Variants in ZC3H12B observed in about 807,000 individuals in gnomAD.
ZC3H12B encodes the protein probable ribonuclease ZC3H12B.
Under a neutral mutation model 43.9 loss-of-function variants are expected in ZC3H12B, and 7 were observed. That is an observed-to-expected ratio of 0.16 (90% CI 0.09 to 0.30). ZC3H12B has a LOEUF of 0.30. Among genes scored for constraint, ZC3H12B ranks in the 10% least tolerant of loss-of-function variants. The pLI is 1.00. For missense variants in ZC3H12B, 475 were observed against 670.2 expected, an observed-to-expected ratio of 0.71 and a Z score of 3.22; for synonymous variants, 222 against 241.7, an observed-to-expected ratio of 0.92 and a Z score of 0.76.
chrX:65,325,774 G>T, the ZC3H12B span, among the ~76,000 whole-genome samples: 2 of 110,833 alleles, frequency 1.8e-5, no homozygotes, highest in Non-Finnish European at 3.8e-5. Context: ...ATGAGCAAAA[G>T]AATCGAACTG....
At chrX:65,488,062 G>A (rs1463060156), upstream of ZC3H12B, among the ~76,000 whole-genome samples, 6 of 110,443 alleles carry the variant, frequency 5.4e-5, no homozygotes, top group Admixed American at 3.9e-4. Flanking sequence ...TAGTAGAGAC[G>A]GGGTTTCACC....
chrX:65,228,349 A>T, the ZC3H12B span, among the ~76,000 whole-genome samples: 1 of 111,573 alleles, frequency 9.0e-6, no homozygotes, highest in Non-Finnish European at 1.9e-5. Context: ...CATACTAAAA[A>T]CTCTCAATAA....
chrX:65,225,139 C>T, the ZC3H12B span, among the ~76,000 whole-genome samples: 2 of 111,607 alleles, frequency 1.8e-5, no homozygotes, highest in African/African-American at 6.5e-5. Context: ...TAGGGGCAGA[C>T]TGACAACTCA....
At chrX:65,129,245 G>A in the ZC3H12B span, among the ~76,000 whole-genome samples, 11,150 of 104,865 alleles carry the variant, frequency 0.11, 1,521 homozygotes, top group African/African-American at 0.37. Context: ...ATATATGTAT[G>A]TGTGTATATA....
chrX:65,386,016 G>A (rs1569387563), intron 2 of ZC3H12B, among the ~76,000 whole-genome samples: 2 of 112,120 alleles, frequency 1.8e-5, no homozygotes, highest in South Asian at 7.4e-4. Flanking sequence ...TGGTGGATAA[G>A]CTTTTTGATG....
chrX:65,197,259 G>T, the ZC3H12B span, among the ~76,000 whole-genome samples: 1 of 112,173 alleles, frequency 8.9e-6, no homozygotes, highest in Middle Eastern at 4.6e-3. Context: ...GAAAAAAGCT[G>T]CGCCTTTACA....
chrX:65,473,101 C>G (rs770659778), intron 3 of ZC3H12B, among the ~76,000 whole-genome samples: 1 of 103,684 alleles, frequency 9.6e-6, no homozygotes, highest in Non-Finnish European at 2.0e-5. Context: ...GCAACCTCTG[C>G]CTCCCGGGTT....
At chrX:65,265,556 C>T in the ZC3H12B span, among the ~76,000 whole-genome samples, 5 of 112,096 alleles carry the variant, frequency 4.5e-5, no homozygotes, top group African/African-American at 6.5e-5. Flanking sequence ...GGCTTATAAA[C>T]ATTTCCTAAT....
chrX:65,356,878 A>G, the ZC3H12B span: 66 of 345,173 alleles, frequency 1.9e-4, no homozygotes, highest in East Asian at 3.5e-3. Context: ...GTGAGATACC[A>G]TGTTAACTCA....
intron 2 of ZC3H12B, among the ~76,000 whole-genome samples, chrX:65,392,919 G>C (rs913259302): frequency 8.9e-6 from 1 of 112,520 alleles, no homozygotes; most frequent in Non-Finnish European, 1.9e-5. Context: ...CTTCTGCTTT[G>C]GGATGCTGTT....
At chrX:65,166,206 C>G in the ZC3H12B span, among the ~76,000 whole-genome samples, 1 of 110,471 alleles carries the variant, frequency 9.1e-6, no homozygotes, top group South Asian at 3.9e-4. Flanking sequence ...CTTCCCACCC[C>G]ACGACAGGCC....
chrX:65,046,583 G>A, the ZC3H12B span, among the ~76,000 whole-genome samples: 9 of 111,864 alleles, frequency 8.0e-5, no homozygotes, highest in Non-Finnish European at 1.3e-4. Context: ...CATCTGGACC[G>A]CTAAAACTGT....
chrX:65,177,097 A>G, the ZC3H12B span, among the ~76,000 whole-genome samples: 704 of 112,429 alleles, frequency 6.3e-3, 1 homozygote, highest in Non-Finnish European at 0.011. Context: ...AGTCGGCTTT[A>G]TTGCTGGGAC....
chrX:65,123,015 G>C, the ZC3H12B span, among the ~76,000 whole-genome samples: 1 of 111,872 alleles, frequency 8.9e-6, no homozygotes, highest in African/African-American at 3.2e-5. Context: ...AGTTTTCAAA[G>C]GGAATGCTTT....
At chrX:65,233,153 G>A in the ZC3H12B span, among the ~76,000 whole-genome samples, 3 of 111,734 alleles carry the variant, frequency 2.7e-5, no homozygotes, top group African/African-American at 9.7e-5. Context: ...TACAGTGGGG[G>A]ACATTGAATC....
At chrX:65,351,149 G>A in the ZC3H12B span, among the ~76,000 whole-genome samples, 3 of 111,313 alleles carry the variant, frequency 2.7e-5, no homozygotes, top group Non-Finnish European at 5.7e-5. Flanking sequence ...ACAGAACAGA[G>A]GCCTCAGAAA....
chrX:65,102,595 GACAA>G, the ZC3H12B span, among the ~76,000 whole-genome samples: 25 of 111,721 alleles, frequency 2.2e-4, no homozygotes, highest in Admixed American at 8.6e-4. Context: ...ACTAATAATA[GACAA>G]ACAGAGAGCT....
chrX:65,458,613 G>T (rs1481122063), intron 3 of ZC3H12B, among the ~76,000 whole-genome samples: 1 of 111,724 alleles, frequency 9.0e-6, no homozygotes, highest in Non-Finnish European at 1.9e-5. Context: ...ATGACTACTG[G>T]GTACCTAACG....
chrX:65,080,718 G>A, the ZC3H12B span, among the ~76,000 whole-genome samples: 1 of 111,648 alleles, frequency 9.0e-6, no homozygotes, highest in Non-Finnish European at 1.9e-5. Flanking sequence ...TATCCTACAA[G>A]AAATGCTAAA....
Sources: gnomAD v4.1 joint callset for allele counts (sites outside exome capture counted in the v4.1 genomes callset) on GRCh38, gnomAD v4.1.1 for gene constraint, MANE v1.5 for transcripts, NCBI Gene and HGNC (gene_info 2026-07-23, HGNC 2026-07-21) for gene names.